DAB1: variants seen among roughly 807,000 people sequenced by gnomAD.
The protein encoded by DAB1 is disabled homolog 1.
A neutral mutation model predicts 64.6 loss-of-function variants in DAB1; 15 were observed. The ratio of observed to expected loss-of-function variants is 0.23; its 90% CI spans 0.16 to 0.36. The LOEUF is 0.36. Among genes scored for constraint, DAB1 ranks in the 10% least tolerant of loss-of-function variants. DAB1 has a pLI of 1.00. For missense variants in DAB1, 596 were observed against 706.7 expected (o/e 0.84, Z 1.78); for synonymous variants, 235 against 251.9 (o/e 0.93, Z 0.64).
chr1:58,504,804 T>C (rs1321740293), intron 3 of DAB1, among the ~76,000 whole-genome samples: 2 of 152,198 alleles, frequency 1.3e-5, no homozygotes, highest in Admixed American at 6.5e-5. Context: ...CATATCCTTG[T>C]ACTAATAATC....
At chr1:58,178,304 G>A (rs369071326) in intron 4 of DAB1, among the ~76,000 whole-genome samples, 1 of 151,908 alleles carries the variant, frequency 6.6e-6, no homozygotes, top group Non-Finnish European at 1.5e-5. Context: ...ACACACATAC[G>A]CACATGCACA....
chr1:58,178,528 A>T (rs1656610606), intron 4 of DAB1, among the ~76,000 whole-genome samples: 1 of 152,208 alleles, frequency 6.6e-6, no homozygotes, highest in African/African-American at 2.4e-5. Flanking sequence ...AAGAACTGAG[A>T]TAATATATCT....
intron 1 of DAB1, among the ~76,000 whole-genome samples, chr1:57,394,560 G>C (rs1682651666): frequency 6.6e-6 from 1 of 152,200 alleles, no homozygotes; most frequent in African/African-American, 2.4e-5. Context: ...CGCACAGAAG[G>C]AAATGCTTCT....
chr1:57,249,527 A>T (rs780053543), intron 2 of DAB1, among the ~76,000 whole-genome samples: 23 of 151,988 alleles, frequency 1.5e-4, no homozygotes, highest in Non-Finnish European at 2.4e-4. Flanking sequence ...GCATGCCACC[A>T]CCCCCAGCTA....
chr1:57,372,778 T>A (rs1680602671), intron 1 of DAB1, among the ~76,000 whole-genome samples: 2 of 152,206 alleles, frequency 1.3e-5, no homozygotes, highest in South Asian at 4.1e-4. Context: ...AAGAACTCTT[T>A]CTGTTTATAC....
At chr1:57,823,768 G>A (rs1435365147), downstream of DAB1, among the ~76,000 whole-genome samples, 5 of 152,238 alleles carry the variant, frequency 3.3e-5, no homozygotes, top group Middle Eastern at 3.4e-3. Context: ...TCTGGGAACC[G>A]CATGAGGCAT....
chr1:57,214,910 C>CAAAAAAAAAAAAAAA (rs56175448), intron 2 of DAB1, among the ~76,000 whole-genome samples: 23 of 58,586 alleles, frequency 3.9e-4, no homozygotes, highest in Non-Finnish European at 4.9e-4. Flanking sequence ...GATTCCCTCT[C>CAAAAAAAAAAAAAAA]AAAAAAAAAA....
chr1:57,106,576 A>G (rs1282251434), intron 4 of DAB1, among the ~76,000 whole-genome samples: 1 of 152,182 alleles, frequency 6.6e-6, no homozygotes, highest in Non-Finnish European at 1.5e-5. Flanking sequence ...CCCATGTAGA[A>G]CTGGAAATCA....
intron 2 of DAB1, among the ~76,000 whole-genome samples, chr1:58,515,542 T>C (rs1049501091): frequency 3.3e-5 from 5 of 152,224 alleles, no homozygotes; most frequent in African/African-American, 1.2e-4. Context: ...CAAGCCTGTC[T>C]CATTTTTCTG....
intron 3 of DAB1, among the ~76,000 whole-genome samples, chr1:58,464,806 T>C (rs1297655426): frequency 1.3e-5 from 2 of 152,200 alleles, no homozygotes; most frequent in Non-Finnish European, 2.9e-5. Context: ...AGGCTAACCC[T>C]AGCCCAGGAG....
At chr1:57,951,721 G>T (rs1442551108) in intron 5 of DAB1, among the ~76,000 whole-genome samples, 1 of 152,110 alleles carries the variant, frequency 6.6e-6, no homozygotes, top group East Asian at 1.9e-4. Flanking sequence ...TAGATGCCCA[G>T]TGAATGTAAG....
At chr1:58,465,813 A>T (rs1645290617) in intron 3 of DAB1, among the ~76,000 whole-genome samples, 1 of 152,118 alleles carries the variant, frequency 6.6e-6, no homozygotes, top group South Asian at 2.1e-4. Flanking sequence ...ACACTTACCC[A>T]CGAGGAAACT....
At chr1:57,148,058 A>G (rs1218450341) in intron 2 of DAB1, among the ~76,000 whole-genome samples, 1 of 152,184 alleles carries the variant, frequency 6.6e-6, no homozygotes, top group Non-Finnish European at 1.5e-5. Flanking sequence ...CCTGGCCCAA[A>G]TGTGATGGTA....
intron 3 of DAB1, among the ~76,000 whole-genome samples, chr1:58,402,708 C>T (rs1644582745): frequency 6.6e-6 from 1 of 151,964 alleles, no homozygotes; most frequent in African/African-American, 2.4e-5. Context: ...ACTTTTTCCG[C>T]GTTTATTTAT....
chr1:58,350,110 C>T (rs145644146), intron 3 of DAB1, among the ~76,000 whole-genome samples: 2,216 of 152,278 alleles, frequency 0.015, 26 homozygotes, highest in Non-Finnish European at 0.021. Flanking sequence ...CACATCCTCT[C>T]CAGTATCTGT....
intron 1 of DAB1, among the ~76,000 whole-genome samples, chr1:57,326,705 CCG>C (rs1676185186): frequency 6.6e-6 from 1 of 152,138 alleles, no homozygotes; most frequent in Admixed American, 6.5e-5. Context: ...TCACTTTCTT[CCG>C]GTATCCTCAC....
chr1:57,135,781 T>C (rs1353804096), intron 4 of DAB1, among the ~76,000 whole-genome samples: 2 of 152,164 alleles, frequency 1.3e-5, no homozygotes, highest in Non-Finnish European at 2.9e-5. Context: ...GCTTGATAAA[T>C]TACCTTTGTG....
At chr1:58,524,352 C>A (rs566414445) in intron 2 of DAB1, among the ~76,000 whole-genome samples, 2 of 152,196 alleles carry the variant, frequency 1.3e-5, no homozygotes, top group Non-Finnish European at 2.9e-5. Context: ...CATTTTTAAG[C>A]CAAATCTCTA....
intron 1 of DAB1, chr1:58,541,614 C>CAAAAAAAAAAAAAAAAAA (rs60360589): frequency 3.0e-5 from 2 of 65,618 alleles, no homozygotes; most frequent in Non-Finnish European, 5.4e-5. Context: ...GAGAACCTGT[C>CAAAAAAAAAAAAAAAAAA]AAAAAAAAAA....
Sources: allele counts gnomAD v4.1 joint callset (sites outside exome capture counted in the v4.1 genomes callset), GRCh38; gene constraint gnomAD v4.1.1; transcripts MANE v1.5; gene names NCBI Gene and HGNC (gene_info 2026-07-23, HGNC 2026-07-21).